The following TMC6 variants were observed in gnomAD, a reference collection of about 807,000 sequenced individuals.
TMC6 encodes transmembrane channel-like protein 6.
In TMC6, 71 loss-of-function variants were observed where a neutral mutation model predicts 95.4. That is an observed-to-expected ratio of 0.74 (90% confidence interval 0.61 to 0.91). TMC6 has a LOEUF of 0.91. TMC6 is among the 40% of genes least tolerant of loss of function. TMC6 has a pLI of 0.00. For synonymous variants in TMC6, 514 were observed against 483.1 expected (o/e 1.06, Z -0.84); for missense variants, 1,074 against 1,079.1 (o/e 1.00, Z 0.07).
In TMC6 at chr17:78,112,765, G is replaced by A. The variant is rs73999640; in HGVS notation, c.*383C>T. On this transcript the variant is annotated 3_prime_UTR_variant, in exon 20 of 20. Coordinates refer to ENST00000590602, the MANE Select transcript of TMC6 (RefSeq NM_001127198.5). ...CAGCAAGCGAATCAAGCCCTGGCGCGGTCCAGCCCCTGCCATCTGGGGCTT... is the reference window on the plus strand; with the variant it reads ...CAGCAAGCGAATCAAGCCCTGGCGCAGTCCAGCCCCTGCCATCTGGGGCTT... 9 of 313,206 alleles carry A rather than the reference G, an allele frequency of 2.9e-5. No homozygotes were observed. Among genetic ancestry groups the A allele is most frequent in the Admixed American group, 4.8e-5 (1 of 20,948 alleles). 19.4% of individuals were successfully genotyped at this position (313,206 alleles called of 1,614,324 possible).
chr17:78,123,529 GTA>G, intron 9 of TMC6, among the ~76,000 whole-genome samples: 1 of 149,136 alleles, frequency 6.7e-6, no homozygotes, highest in African/African-American at 2.5e-5. Context: ...GGATGGGTGG[GTA>G]GATGGATGAA....
In TMC6 at chr17:78,117,616, A is replaced by G. The variant is rs1222332866; in HGVS notation, c.2050T>C (p.Phe684Leu). 6.3e-7 allele frequency: 1 copy of G among 1,577,128 alleles called. No homozygotes were observed. The highest frequency in any genetic ancestry group is 2.3e-5 in the East Asian group (1 of 43,002). Residue 684 changes from phenylalanine (F) to leucine (L), a missense_variant, in exon 17 of 20, where the codon TTC becomes CTC. Coordinates refer to ENST00000590602, the MANE Select transcript of TMC6 (RefSeq NM_001127198.5). The part of the protein sequence containing the change: ...QVKPSSTCGP[F>L]RTLDTMYEAG... ...TCGTACATGGTGTCCAGGGTCCGGA[A>G]GGGGCCGCAGGTGCTCGAGGGCTTC...
At chr17:78,113,737 A>C in intron 18 of TMC6, 113 bp from the exon 19 acceptor site, 1 of 1,101,104 alleles carries the variant, frequency 9.1e-7, no homozygotes, top group South Asian at 1.2e-5. Context: ...CAACATCGCA[A>C]GCAGCAAAAA....
rs950061274 is a variant in TMC6, at chr17:78,107,505, A to G, written c.*5643T>C. ...TTTTCAAAAGACACTATGGATGTCTACTTTGCACGCTGCGATTGGGAGAGC... is the reference window on the plus strand; with the variant it reads ...TTTTCAAAAGACACTATGGATGTCTGCTTTGCACGCTGCGATTGGGAGAGC... On this transcript the variant is annotated 3_prime_UTR_variant, in exon 20 of 20. Transcript: ENST00000590602. The G allele has an allele frequency of 6.6e-6, 1 of 152,252 alleles. No individual in the cohort carries two copies. The highest frequency in any genetic ancestry group is 1.5e-5 in the Non-Finnish European group (1 of 68,050). The allele number at this position is 152,252 out of a possible 1,614,324, so 9.4% of individuals were successfully genotyped here. A position where few individuals can be genotyped will look rare whatever the true frequency, so the allele number is the denominator to read the frequency against.
intron 18 of TMC6, 60 bp downstream of exon 18, chr17:78,117,207 AGC>A: frequency 1.9e-6 from 3 of 1,545,334 alleles, no homozygotes; most frequent in Non-Finnish European, 2.7e-6. Context: ...AGTGGAGGGG[AGC>A]GTCACCCTCA....
chr17:78,125,120 G>A (rs533296271), intron 6 of TMC6, 38 bp downstream of exon 6: 21 of 1,549,020 alleles, frequency 1.4e-5, no homozygotes, highest in South Asian at 9.5e-5. Context: ...GTCTGGGGGC[G>A]CAGCAGCGGC....
intron 7 of TMC6, 39 bp from the exon 8 acceptor site, chr17:78,124,820 G>C (rs754319285): frequency 6.3e-7 from 1 of 1,578,762 alleles, no homozygotes; most frequent in African/African-American, 1.3e-5. Flanking sequence ...GGTGAGGCCG[G>C]AGGAGGCACT....
chr17:78,115,498 G>A (rs965606829), intron 18 of TMC6, among the ~76,000 whole-genome samples: 3 of 152,194 alleles, frequency 2.0e-5, no homozygotes, highest in Admixed American at 6.5e-5. Flanking sequence ...TTCACGGGGG[G>A]CCGTTCCCCA....
In TMC6 at chr17:78,108,046, C is replaced by T. The variant is rs1287032867; in HGVS notation, c.*5102G>A. On this transcript the variant is annotated 3_prime_UTR_variant, in exon 20 of 20. Transcript: ENST00000590602. ...CCCTTCCTAGGACACTGGCCGTGGCCTTCAGGGTGACCAGTCAGTGCCACC... is the reference window on the plus strand; with the variant it reads ...CCCTTCCTAGGACACTGGCCGTGGCTTTCAGGGTGACCAGTCAGTGCCACC... The T allele has an allele frequency of 1.3e-5, 2 of 152,220 alleles. No individual in the cohort carries two copies. Among genetic ancestry groups the T allele is most frequent in the African/African-American group, 4.8e-5 (2 of 41,454 alleles). 9.4% of individuals were successfully genotyped at this position (152,220 alleles called of 1,614,324 possible). A position where few individuals can be genotyped will look rare whatever the true frequency, so the allele number is the denominator to read the frequency against.
At chr17:78,131,532 A>G, upstream of TMC6, 1 of 1,534,478 alleles carries the variant, frequency 6.5e-7, no homozygotes, top group South Asian at 1.2e-5. Flanking sequence ...CCAACCGGGG[A>G]CTCATATCCC....
At chr17:78,113,314 A>G in intron 19 of TMC6, 103 bp from the exon 20 acceptor site, 7 of 1,360,416 alleles carry the variant, frequency 5.1e-6, no homozygotes, top group Non-Finnish European at 7.1e-6. Flanking sequence ...CAGACGCCCC[A>G]CAGCCTTTCT....
chr17:78,117,999 G>A, intron 15 of TMC6, 64 bp from the exon 16 acceptor site: 1 of 1,557,892 alleles, frequency 6.4e-7, no homozygotes, highest in Non-Finnish European at 8.7e-7. Context: ...CAAGCCCTGG[G>A]GGAGCTCAAG....
chr17:78,131,558 G>A (rs1396206592), upstream of TMC6: 13 of 1,539,620 alleles, frequency 8.4e-6, no homozygotes, highest in East Asian at 2.4e-5. Flanking sequence ...CCGGCAGCCC[G>A]GCGCCCCAGC....
At position 78,126,652 on chromosome 17, in the gene TMC6, C is replaced by G. The variant is rs757768193; in HGVS notation, c.57-4G>C. On this transcript the variant is annotated splice_region_variant and splice_polypyrimidine_tract_variant and intron_variant, in intron 2 of 19. Transcript: ENST00000590602. The stretch of plus-strand genomic sequence containing the variant: ...ATCATAGGGGCTGGGGCCCTGGCTG[C>G]AGAGGGGGTTGGCGGGGGGGTCAGG... 1.2e-6 allele frequency: 2 copies of G among 1,612,950 alleles called. No individual in the cohort carries two copies. The highest frequency in any genetic ancestry group is 1.7e-6 in the Non-Finnish European group (2 of 1,179,900).
At chr17:78,131,291 T>C, upstream of TMC6, 1 of 535,946 alleles carries the variant, frequency 1.9e-6, no homozygotes, top group Non-Finnish European at 3.4e-6. Flanking sequence ...ATGGGGAGAC[T>C]GAGGCCGTGG....
In TMC6 at chr17:78,116,052, C is replaced by T. The variant is rs148579474; in HGVS notation, c.2277+1217G>A. Among the ~76,000 whole-genome samples the T allele has an allele frequency of 4.9e-4, 75 of 152,146 alleles. 1 individual carries two copies. In the East Asian group the frequency reaches 0.013, roughly 26 times the overall value. On this transcript the variant is annotated intron_variant, in intron 18 of 19. Coordinates refer to ENST00000590602, the MANE Select transcript of TMC6 (RefSeq NM_001127198.5). The stretch of plus-strand genomic sequence containing the variant: ...GGCCTCAGCAACTCGCTCTGTCGCC[C>T]GGGCTGGAGTGCAGTGGCGCAATCT...
At chr17:78,131,689 C>T, upstream of TMC6, 1 of 1,577,372 alleles carries the variant, frequency 6.3e-7, no homozygotes, top group Non-Finnish European at 8.6e-7. Context: ...GGCTCTGGGA[C>T]GCCCGTGCGC....
Position 78,121,375 on chromosome 17 carries a change from G to A in TMC6, c.1383+181C>T, listed in dbSNP as rs960612089. On this transcript the variant is annotated intron_variant, in intron 11 of 19. Coordinates refer to ENST00000590602, the MANE Select transcript of TMC6 (RefSeq NM_001127198.5). The surrounding 1 kb of genome is among the most constrained non-coding windows in gnomAD (Gnocchi z 5.6). Reference sequence around the variant, plus strand: ...CAGAAACCAAAAAATAAAACCGTGAGACAGGACAAGGGGCTGAGAAGTGGG... The same window carrying A: ...CAGAAACCAAAAAATAAAACCGTGAAACAGGACAAGGGGCTGAGAAGTGGG... Among the ~76,000 whole-genome samples the A allele has an allele frequency of 1.3e-5, 2 of 152,194 alleles. No homozygotes were observed. Among genetic ancestry groups the A allele is most frequent in the Non-Finnish European group, 2.9e-5 (2 of 68,032 alleles).
intron 8 of TMC6, 159 bp from the exon 9 acceptor site, chr17:78,124,338 A>G: frequency 1.5e-6 from 2 of 1,332,680 alleles, no homozygotes; most frequent in Non-Finnish European, 1.0e-6. Context: ...CTCCAGCCCC[A>G]TGGGAACCCC....
Sources: allele counts gnomAD v4.1 joint callset (sites outside exome capture counted in the v4.1 genomes callset), GRCh38; gene constraint gnomAD v4.1.1; non-coding constraint Gnocchi (gnomAD v3.1); transcripts MANE v1.5; gene names NCBI Gene and HGNC (gene_info 2026-07-23, HGNC 2026-07-21).